Variants in SAXO1 observed in about 807,000 individuals in gnomAD.
The protein encoded by SAXO1 is stabilizer of axonemal microtubules 1.
A neutral mutation model predicts 17.5 loss-of-function variants in SAXO1; 21 were observed. The observed-to-expected ratio is 1.20, with a 90% confidence interval of 0.85 to 1.72. SAXO1 has a LOEUF of 1.72. Ranked by LOEUF, SAXO1 falls within the 40% of genes most tolerant of loss-of-function variation. The pLI is 0.00. For synonymous variants in SAXO1, 274 were observed against 216.5 expected, an observed-to-expected ratio of 1.27 and a Z score of -2.33; for missense variants, 843 against 596.0, an observed-to-expected ratio of 1.41 and a Z score of -4.32.
intron 1 of SAXO1, among the ~76,000 whole-genome samples, chr9:19,022,625 G>C (rs1399286852): frequency 2.0e-5 from 3 of 152,022 alleles, no homozygotes; most frequent in Non-Finnish European, 4.4e-5. Flanking sequence ...ACTCATAATG[G>C]GTAGTTTCTA....
intron 1 of SAXO1, among the ~76,000 whole-genome samples, chr9:18,971,126 G>A (rs1832926481): frequency 6.6e-6 from 1 of 152,158 alleles, no homozygotes; most frequent in African/African-American, 2.4e-5. Flanking sequence ...AGCTACCAAA[G>A]GGAGTGATTT....
In SAXO1 at chr9:18,928,951, C is replaced by A; in HGVS notation, c.526G>T (p.Asp176Tyr). The change falls in exon 4 of 4, where the codon GAT becomes TAT. Residue 176 changes from aspartate to tyrosine, a missense_variant. Transcript: ENST00000380534. Reference sequence around the variant, plus strand: ...TTCACAAGGCCTTTTATGGGGTAATCGTCCTGGTGTGTGGTTCTGTTATCA... The same window carrying A: ...TTCACAAGGCCTTTTATGGGGTAATAGTCCTGGTGTGTGGTTCTGTTATCA... ...RFDNRTTHQDDYPIKGLVKTI... is the reference protein window; with the variant it reads ...RFDNRTTHQDYYPIKGLVKTI... The A allele has an allele frequency of 6.2e-7, 1 of 1,614,184 alleles. No individual in the cohort carries two copies. The highest frequency in any genetic ancestry group is 1.7e-5 in the Admixed American group (1 of 60,024).
chr9:19,042,441 G>A (rs533977716), intron 1 of SAXO1, among the ~76,000 whole-genome samples: 41 of 152,078 alleles, frequency 2.7e-4, no homozygotes, highest in Non-Finnish European at 4.7e-4. Context: ...CCCACTGCTG[G>A]GTATATACCC....
At chr9:18,986,459 A>T (rs1208868479) in intron 1 of SAXO1, among the ~76,000 whole-genome samples, 1 of 152,248 alleles carries the variant, frequency 6.6e-6, no homozygotes, top group African/African-American at 2.4e-5. Flanking sequence ...AGAGAGACCA[A>T]TCGAGGAAGG....
At chr9:18,935,251 G>A (rs763198009) in intron 3 of SAXO1, among the ~76,000 whole-genome samples, 1 of 152,192 alleles carries the variant, frequency 6.6e-6, no homozygotes, top group Admixed American at 6.5e-5. Flanking sequence ...TTAGTGGTCA[G>A]CCAATGATTG....
chr9:19,042,772 G>A (rs1248133800), intron 1 of SAXO1, among the ~76,000 whole-genome samples: 1 of 152,192 alleles, frequency 6.6e-6, no homozygotes, highest in African/African-American at 2.4e-5. Flanking sequence ...TGAGGCAGGA[G>A]AATCGCTTGA....
chr9:18,931,630 C>T (rs1473486076), intron 3 of SAXO1, among the ~76,000 whole-genome samples: 1 of 152,188 alleles, frequency 6.6e-6, no homozygotes, highest in Non-Finnish European at 1.5e-5. Flanking sequence ...CATTTTACAT[C>T]CCACCAGCAA....
intron 1 of SAXO1, chr9:19,027,156 G>A: frequency 1.7e-6 from 2 of 1,147,220 alleles, no homozygotes. Flanking sequence ...CAATGATCAA[G>A]AGGAGGATGG....
intron 1 of SAXO1, among the ~76,000 whole-genome samples, chr9:19,008,323 T>C (rs1834574215): frequency 6.6e-6 from 1 of 152,136 alleles, no homozygotes; most frequent in African/African-American, 2.4e-5. Context: ...TGATCTAAAT[T>C]ATCAACTCAG....
At chr9:18,953,024 T>C (rs933919563) in intron 1 of SAXO1, among the ~76,000 whole-genome samples, 1 of 152,232 alleles carries the variant, frequency 6.6e-6, no homozygotes, top group South Asian at 2.1e-4. Flanking sequence ...GCCATTTCTG[T>C]GCTCACAATC....
chr9:18,938,560 C>A (rs1163902918), intron 3 of SAXO1, among the ~76,000 whole-genome samples: 1 of 152,156 alleles, frequency 6.6e-6, no homozygotes, highest in East Asian at 1.9e-4. Context: ...TCAAAAACCG[C>A]CCCCATTATA....
intron 1 of SAXO1, among the ~76,000 whole-genome samples, chr9:19,046,155 C>G (rs1033419206): frequency 2.0e-5 from 3 of 147,894 alleles, no homozygotes; most frequent in African/African-American, 7.5e-5. Flanking sequence ...GAAACCAAGA[C>G]TAAACGGGAT....
intron 1 of SAXO1, among the ~76,000 whole-genome samples, chr9:18,970,397 C>G (rs1385978267): frequency 6.6e-6 from 1 of 152,144 alleles, no homozygotes; most frequent in South Asian, 2.1e-4. Flanking sequence ...CTTGGGGATG[C>G]TCAGGTATTG....
intron 3 of SAXO1, among the ~76,000 whole-genome samples, chr9:18,932,262 C>T (rs1376639248): frequency 1.3e-5 from 2 of 152,088 alleles, no homozygotes; most frequent in Non-Finnish European, 2.9e-5. Context: ...TCCAACTGTC[C>T]CAGCACCATT....
intron 1 of SAXO1, among the ~76,000 whole-genome samples, chr9:18,995,657 T>C (rs768024313): frequency 7.9e-5 from 12 of 152,212 alleles, no homozygotes; most frequent in Admixed American, 2.0e-4. Flanking sequence ...TCACAGAATC[T>C]ACAGTTTTTT....
chr9:19,004,950 A>G (rs1834427896), intron 1 of SAXO1, among the ~76,000 whole-genome samples: 1 of 152,220 alleles, frequency 6.6e-6, no homozygotes, highest in South Asian at 2.1e-4. Context: ...AAAGAGGTGC[A>G]GGGTACAAAA....
chr9:19,036,701 C>T (rs1835949774), upstream of SAXO1, among the ~76,000 whole-genome samples: 1 of 152,074 alleles, frequency 6.6e-6, no homozygotes, highest in Admixed American at 6.5e-5. Flanking sequence ...TATGGAAATG[C>T]CTGGATGTCC....
At chr9:18,941,970 G>A (rs566970063) in intron 2 of SAXO1, 131 bp from the exon 3 acceptor site, 59 of 789,060 alleles carry the variant, frequency 7.5e-5, no homozygotes, top group African/African-American at 6.2e-4. Flanking sequence ...CTCCTCCCCC[G>A]AACTGTTTCT....
In SAXO1 at chr9:19,043,212, C is replaced by CA. The variant is rs202016874; in HGVS notation, c.-158+5996dup. ...GTGGTACATATACACTATTCAGCCA[C>CA]AAAAAAAAAGAATGAGATCCTGTCA... On this transcript the variant is annotated intron_variant, in intron 1 of 3. Coordinates refer to the SAXO1 transcript ENST00000542071. 1.0e-3 allele frequency among the ~76,000 whole-genome samples: 154 copies of CA among 149,830 alleles called. 1 individual carries two copies. The highest frequency in any genetic ancestry group is 8.4e-3 in the East Asian group (43 of 5,132).
Sources: allele counts gnomAD v4.1 joint callset (sites outside exome capture counted in the v4.1 genomes callset), GRCh38; gene constraint gnomAD v4.1.1; transcripts MANE v1.5; gene names NCBI Gene and HGNC (gene_info 2026-07-23, HGNC 2026-07-21).